FGF14: variants seen among roughly 807,000 people sequenced by gnomAD.
FGF14 encodes the protein fibroblast growth factor 14.
FGF14 carries 5 observed loss-of-function variants against 25.5 expected under a neutral mutation model. The observed-to-expected ratio is 0.20, with a 90% CI of 0.10 to 0.41. FGF14 has a LOEUF of 0.41. Among genes scored for constraint, FGF14 ranks in the 10% least tolerant of loss-of-function variants. FGF14 has a pLI of 1.00. For synonymous variants in FGF14, 138 were observed against 118.3 expected (o/e 1.17, Z -1.08); for missense variants, 222 against 320.1 (o/e 0.69, Z 2.34).
chr13:102,348,572 T>C (rs1289559656), intron 1 of FGF14, among the ~76,000 whole-genome samples: 1 of 152,164 alleles, frequency 6.6e-6, no homozygotes, highest in East Asian at 1.9e-4. Context: ...ATCACAAAGA[T>C]AATCGAGAAA....
At chr13:101,959,537 A>G (rs1750748743) in intron 1 of FGF14, among the ~76,000 whole-genome samples, 1 of 152,116 alleles carries the variant, frequency 6.6e-6, no homozygotes, top group African/African-American at 2.4e-5. Flanking sequence ...TTTCCTCAAC[A>G]TGCACTGTAT....
chr13:102,084,123 T>G (rs2043773301), intron 1 of FGF14, among the ~76,000 whole-genome samples: 1 of 152,120 alleles, frequency 6.6e-6, no homozygotes, highest in Non-Finnish European at 1.5e-5. Context: ...ATTCAGAAGG[T>G]GAAGTCCCTC....
At chr13:101,812,538 T>C (rs1467076472) in intron 3 of FGF14, among the ~76,000 whole-genome samples, 4 of 146,634 alleles carry the variant, frequency 2.7e-5, no homozygotes, top group Non-Finnish European at 4.5e-5. Flanking sequence ...ACCACTTAGA[T>C]TGGCCACTAG....
intron 3 of FGF14, among the ~76,000 whole-genome samples, chr13:101,822,997 AG>A (rs1256123612): frequency 6.6e-6 from 1 of 152,162 alleles, no homozygotes; most frequent in Non-Finnish European, 1.5e-5. Flanking sequence ...GTTTCTGTGC[AG>A]GATTATTTCA....
intron 1 of FGF14, among the ~76,000 whole-genome samples, chr13:102,136,073 T>C (rs1320580313): frequency 6.6e-6 from 1 of 152,220 alleles, no homozygotes; most frequent in Non-Finnish European, 1.5e-5. Context: ...AGCAGTAATA[T>C]ATCATATTGT....
chr13:102,049,919 T>C (rs1383407538), intron 1 of FGF14, among the ~76,000 whole-genome samples: 1 of 152,154 alleles, frequency 6.6e-6, no homozygotes, highest in Non-Finnish European at 1.5e-5. Context: ...CCAACCCCAC[T>C]CATGCCTAGA....
At chr13:102,106,569 CTG>C (rs2140305031) in intron 1 of FGF14, among the ~76,000 whole-genome samples, 1 of 105,740 alleles carries the variant, frequency 9.5e-6, no homozygotes, top group East Asian at 3.1e-4. Flanking sequence ...CAGTGAAACT[CTG>C]TCGAAAAAGA....
At chr13:101,849,386 C>T (rs1371866091) in intron 3 of FGF14, among the ~76,000 whole-genome samples, 2 of 152,032 alleles carry the variant, frequency 1.3e-5, no homozygotes, top group South Asian at 2.1e-4. Context: ...ACTACATTAA[C>T]TCCCTAGTTG....
At chr13:101,736,146 T>C (rs2036172290) in intron 3 of FGF14, among the ~76,000 whole-genome samples, 1 of 152,216 alleles carries the variant, frequency 6.6e-6, no homozygotes, top group South Asian at 2.1e-4. Context: ...CAGTGATTTA[T>C]ACTTTCATTG....
chr13:102,282,194 G>A (rs919898782), intron 1 of FGF14, among the ~76,000 whole-genome samples: 2 of 151,862 alleles, frequency 1.3e-5, no homozygotes, highest in Non-Finnish European at 2.9e-5. Flanking sequence ...AGCCTCCCGA[G>A]TAGCTAGGAT....
intron 1 of FGF14, among the ~76,000 whole-genome samples, chr13:102,316,968 A>G (rs2056054688): frequency 6.6e-6 from 1 of 152,038 alleles, no homozygotes; most frequent in African/African-American, 2.4e-5. Context: ...TACTCATGAT[A>G]CTTCTTTTGA....
chr13:102,161,570 A>AAGAAGAAGAAAGAAGAAGAAAGAAG, intron 1 of FGF14, among the ~76,000 whole-genome samples: 2 of 5,656 alleles, frequency 3.5e-4, no homozygotes, highest in Non-Finnish European at 4.8e-4. Flanking sequence ...TTCTGTGAAG[A>AAGAAGAAGAAAGAAGAAGAAAGAAG]AAGAAAGAAG....
At chr13:102,113,213 A>T (rs1345468597) in intron 1 of FGF14, among the ~76,000 whole-genome samples, 1 of 152,236 alleles carries the variant, frequency 6.6e-6, no homozygotes, top group Non-Finnish European at 1.5e-5. Flanking sequence ...ATTTGCTGGT[A>T]TAACAGTTAA....
chr13:102,283,064 T>C (rs1202552063), intron 1 of FGF14, among the ~76,000 whole-genome samples: 2 of 152,182 alleles, frequency 1.3e-5, no homozygotes, highest in Admixed American at 1.3e-4. Flanking sequence ...GCTCCTTCTA[T>C]CTTGTTGCTC....
At chr13:102,272,966 A>G in intron 1 of FGF14, among the ~76,000 whole-genome samples, 1 of 152,192 alleles carries the variant, frequency 6.6e-6, no homozygotes, top group South Asian at 2.1e-4. Context: ...ATGAGTTCAC[A>G]GAAGATTTTT....
chr13:102,033,254 T>C (rs1405446500), intron 1 of FGF14, among the ~76,000 whole-genome samples: 1 of 152,034 alleles, frequency 6.6e-6, no homozygotes, highest in Admixed American at 6.6e-5. Flanking sequence ...AATCATGGTG[T>C]GACAAACAGT....
intron 1 of FGF14, among the ~76,000 whole-genome samples, chr13:101,989,815 G>A (rs981255304): frequency 6.6e-6 from 1 of 152,014 alleles, no homozygotes; most frequent in African/African-American, 2.4e-5. Flanking sequence ...TCTTTTGTAG[G>A]AGTTAATTAG....
intron 1 of FGF14, among the ~76,000 whole-genome samples, chr13:102,267,138 T>C (rs1484742709): frequency 1.3e-5 from 2 of 152,216 alleles, no homozygotes; most frequent in African/African-American, 4.8e-5. Flanking sequence ...CTTTCTTTTT[T>C]TTGTAATTTT....
chr13:102,248,348 G>A (rs1023374873), intron 1 of FGF14, among the ~76,000 whole-genome samples: 1 of 152,108 alleles, frequency 6.6e-6, no homozygotes, highest in Non-Finnish European at 1.5e-5. Context: ...TTGACTCTTA[G>A]AAATTATTAA....
Sources: allele counts gnomAD v4.1 joint callset (sites outside exome capture counted in the v4.1 genomes callset), GRCh38; gene constraint gnomAD v4.1.1; transcripts MANE v1.5; gene names NCBI Gene and HGNC (gene_info 2026-07-23, HGNC 2026-07-21).